Variants in LUC7L2 observed in about 807,000 individuals in gnomAD.
LUC7L2 encodes putative RNA-binding protein Luc7-like 2.
In LUC7L2, 25 loss-of-function variants were observed where a neutral mutation model predicts 52.8. The ratio of observed to expected loss-of-function variants is 0.47; its 90% CI spans 0.34 to 0.66. The LOEUF (loss-of-function observed/expected upper bound fraction) is 0.66, where lower values mean the gene tolerates loss of function less well. LUC7L2 is among the 30% of genes least tolerant of loss of function. LUC7L2 has a pLI of 0.01. For synonymous variants in LUC7L2, 144 were observed against 160.9 expected (o/e 0.89, Z 0.80); for missense variants, 328 against 497.8 (o/e 0.66, Z 3.25).
chr7:139,346,952 G>T lies in LUC7L2; in HGVS notation c.-26+6435G>T, dbSNP rs1230195829. ...CAGTAGCTCTAATAACCTTCTCCTC[G>T]TCTGTCTCCACTGCCTCTGTCCTAG... is the stretch of plus-strand genomic sequence containing the variant. On this transcript the variant is annotated intron_variant, in intron 1 of 10. Coordinates refer to the LUC7L2 transcript ENST00000541170. Among the ~76,000 whole-genome samples the T allele has an allele frequency of 4.6e-5, 7 of 152,216 alleles. No homozygotes were observed. The South Asian group carries it at 1.5e-3, about 32-fold the overall frequency.
chr7:139,358,389 A>G, upstream of LUC7L2, among the ~76,000 whole-genome samples: 1 of 152,214 alleles, frequency 6.6e-6, no homozygotes, highest in Middle Eastern at 3.2e-3. Flanking sequence ...TTCCAAGGCG[A>G]TGAGTATACA....
chr7:139,373,776 T>C (rs1162796084), intron 1 of LUC7L2, among the ~76,000 whole-genome samples: 1 of 152,224 alleles, frequency 6.6e-6, no homozygotes, highest in Non-Finnish European at 1.5e-5. Flanking sequence ...TTAGTAAAAC[T>C]CCATGAATAC....
chr7:139,362,716 T>C (rs1321149746), intron 1 of LUC7L2, among the ~76,000 whole-genome samples: 1 of 151,730 alleles, frequency 6.6e-6, no homozygotes, highest in African/African-American at 2.4e-5. Flanking sequence ...CCTCCACTCT[T>C]AGTGTCCTGT....
intron 1 of LUC7L2, among the ~76,000 whole-genome samples, chr7:139,353,725 G>A (rs57590058): frequency 0.15 from 23,520 of 151,742 alleles, 1,912 homozygotes; most frequent in Middle Eastern, 0.25. Flanking sequence ...TCCGGGAGGT[G>A]GAGGTTGCAG....
At chr7:139,409,540 C>G (rs748549999) in intron 6 of LUC7L2, 23 bp from the exon 7 acceptor site, 1 of 1,585,764 alleles carries the variant, frequency 6.3e-7, no homozygotes, top group Non-Finnish European at 8.6e-7. Flanking sequence ...TAAATATTCT[C>G]CTCATTTATT....
chr7:139,408,778 G>A (rs1795225225), intron 6 of LUC7L2, among the ~76,000 whole-genome samples: 1 of 150,420 alleles, frequency 6.6e-6, no homozygotes, highest in Admixed American at 6.7e-5. Context: ...GGAGGTGGAG[G>A]TTGCAGTGAG....
intron 9 of LUC7L2, among the ~76,000 whole-genome samples, chr7:139,419,132 A>AAC (rs58727855): frequency 0.071 from 10,596 of 150,198 alleles, 675 homozygotes; most frequent in African/African-American, 0.17. Context: ...AAAACAAACA[A>AAC]AAAAAAAAAC....
intron 4 of LUC7L2, among the ~76,000 whole-genome samples, chr7:139,402,663 C>T (rs1245784778): frequency 6.6e-6 from 1 of 152,182 alleles, no homozygotes. Flanking sequence ...ACTGGGATTA[C>T]AGGTGTGCGT....
At chr7:139,419,216 CAT>C (rs757522812) in intron 9 of LUC7L2, among the ~76,000 whole-genome samples, 1 of 151,874 alleles carries the variant, frequency 6.6e-6, no homozygotes, top group African/African-American at 2.4e-5. Context: ...AAGACTACCA[CAT>C]GTTATAAAGT....
Position 139,342,829 on chromosome 7 carries a change from T to A in LUC7L2, c.-26+2312T>A, listed in dbSNP as rs143868518. On this transcript the variant is annotated intron_variant, in intron 1 of 10. Transcript: ENST00000541170. ...CCTTATGGGGATAACATTATTACCCTTGAGAGAGACTTGGTAATGGTTCTG... is the reference window on the plus strand; with the variant it reads ...CCTTATGGGGATAACATTATTACCCATGAGAGAGACTTGGTAATGGTTCTG... 6.8e-4 allele frequency among the ~76,000 whole-genome samples: 104 copies of A among 152,312 alleles called. 1 individual carries two copies. In the East Asian group the frequency reaches 0.017, roughly 24 times the overall value.
In LUC7L2 at chr7:139,423,354, T is replaced by G. The variant is rs568558330; in HGVS notation, c.*1014T>G. 179 of 398,998 alleles carry G rather than the reference T, an allele frequency of 4.5e-4. No individual in the cohort carries two copies. The highest frequency in any genetic ancestry group is 6.0e-4 in the Non-Finnish European group (135 of 226,050). 24.7% of individuals were successfully genotyped at this position (398,998 alleles called of 1,614,324 possible). ...CTATATTCCAGCCACTTCAGGGTTG[T>G]TTGTAATGACCGTTATAGAGAAGGG... On this transcript the variant is annotated 3_prime_UTR_variant, in exon 10 of 10. Transcript: ENST00000354926.
At chr7:139,347,750 T>TCA (rs759063725) in intron 1 of LUC7L2, among the ~76,000 whole-genome samples, 1 of 152,340 alleles carries the variant, frequency 6.6e-6, no homozygotes, top group Non-Finnish European at 1.5e-5. Flanking sequence ...CTCACTCTGT[T>TCA]GCCCAGGCTG....
upstream of LUC7L2, among the ~76,000 whole-genome samples, chr7:139,358,169 G>C (rs530212152): frequency 2.6e-5 from 4 of 151,442 alleles, no homozygotes; most frequent in East Asian, 7.8e-4. Context: ...TCCATGCCCG[G>C]CTAATTTTTG....
chr7:139,394,878 G>C (rs1794593265), intron 2 of LUC7L2, among the ~76,000 whole-genome samples: 1 of 152,204 alleles, frequency 6.6e-6, no homozygotes, highest in Non-Finnish European at 1.5e-5. Flanking sequence ...TCTGTGCAAA[G>C]AATGGGACTA....
At chr7:139,382,471 C>T (rs1236025374) in intron 2 of LUC7L2, among the ~76,000 whole-genome samples, 1 of 151,718 alleles carries the variant, frequency 6.6e-6, no homozygotes, top group Non-Finnish European at 1.5e-5. Flanking sequence ...CAACCTCTCC[C>T]TCCTGAGTTC....
chr7:139,405,723 T>C lies in LUC7L2; in HGVS notation c.446T>C (p.Val149Ala). Residue 149 changes from valine to alanine, a missense_variant, in exon 5 of 10, where the codon GTG becomes GCG. Coordinates refer to ENST00000354926, the MANE Select transcript of LUC7L2 (RefSeq NM_016019.5). ...KVEQLGAEGN[V>A]EESQKVMDEV... ...GAACAACTAGGAGCTGAAGGGAATG[T>C]GGAGGAATCCCAGAAAGTAATGGAT... The C allele has an allele frequency of 6.2e-7, 1 of 1,613,204 alleles. No homozygotes were observed. The highest frequency in any genetic ancestry group is 8.5e-7 in the Non-Finnish European group (1 of 1,179,704).
chr7:139,349,786 G>A (rs1250073129), intron 1 of LUC7L2, among the ~76,000 whole-genome samples: 3 of 152,130 alleles, frequency 2.0e-5, no homozygotes, highest in Non-Finnish European at 2.9e-5. Context: ...TTCACTTGCT[G>A]TATTTTTGAA....
chr7:139,383,559 T>C (rs1569377679), intron 2 of LUC7L2, among the ~76,000 whole-genome samples: 1 of 138,638 alleles, frequency 7.2e-6, no homozygotes, highest in Non-Finnish European at 1.6e-5. Flanking sequence ...TTAGAGGTGC[T>C]GCACGCCACC....
At chr7:139,409,103 C>T (rs926977697) in intron 6 of LUC7L2, among the ~76,000 whole-genome samples, 4 of 151,894 alleles carry the variant, frequency 2.6e-5, no homozygotes, top group Non-Finnish European at 5.9e-5. Flanking sequence ...TGCTACTGCA[C>T]TCCAGTCTGG....
Sources: gnomAD v4.1 joint callset for allele counts (sites outside exome capture counted in the v4.1 genomes callset) on GRCh38, gnomAD v4.1.1 for gene constraint, MANE v1.5 for transcripts, NCBI Gene and HGNC (gene_info 2026-07-23, HGNC 2026-07-21) for gene names.